Variants in INTU observed in about 807,000 individuals in gnomAD.
The protein encoded by INTU is inturned planar cell polarity protein, also known as protein inturned.
A neutral mutation model predicts 100.5 loss-of-function variants in INTU; 68 were observed. The ratio of observed to expected loss-of-function variants is 0.68; its 90% confidence interval spans 0.56 to 0.83. The LOEUF (loss-of-function observed/expected upper bound fraction) is 0.83. INTU is among the 40% of genes least tolerant of loss of function. The pLI, the probability that INTU is intolerant of heterozygous loss-of-function variation, is 0.00. For missense variants in INTU, 1,071 were observed against 1,114.7 expected, an observed-to-expected ratio of 0.96 and a Z score of 0.56; for synonymous variants, 357 against 395.7, an observed-to-expected ratio of 0.90 and a Z score of 1.16.
At chr4:127,643,431 C>T (rs905048504) in intron 1 of INTU, 90 bp from the exon 2 acceptor site, 7 of 979,972 alleles carry the variant, frequency 7.1e-6, no homozygotes, top group East Asian at 2.5e-5. Context: ...TCCTGCTCCC[C>T]AGCCCCAACC....
rs1728865541 is a variant in INTU at position 127,670,313 on chromosome 4, A to G, written c.1091+1159A>G. The stretch of plus-strand genomic sequence containing the variant: ...TCTAGGCTTTAACTTTTTTTCCCCC[A>G]TATTCAGGTAGAAATGACATTTCTA... On this transcript the variant is annotated intron_variant, in intron 5 of 15. Coordinates refer to ENST00000335251, the MANE Select transcript of INTU (RefSeq NM_015693.4). Among the ~76,000 whole-genome samples, 3 of 151,728 alleles carry G rather than the reference A, an allele frequency of 2.0e-5. No homozygotes were observed. In the South Asian group the frequency reaches 6.2e-4, roughly 31 times the overall value.
At chr4:127,657,135 A>T (rs922941672) in intron 3 of INTU, among the ~76,000 whole-genome samples, 1 of 152,148 alleles carries the variant, frequency 6.6e-6, no homozygotes, top group African/African-American at 2.4e-5. Flanking sequence ...TTTTAAAAAC[A>T]AATCATACAA....
Position 127,704,436 on chromosome 4 carries a change from C to T in INTU, c.1566+146C>T, listed in dbSNP as rs1291864285. 1.1e-5 allele frequency: 7 copies of T among 649,020 alleles called. No homozygotes were observed. The Admixed American group carries it at 2.0e-4, about 18-fold the overall frequency. The allele number at this position is 649,020 out of a possible 1,614,324, so 40.2% of individuals were successfully genotyped here. ...ATTAAGAGCTTTCTCATTTTAGAGACAGGGTCTTGCTCTGCCACCTAGGCT... is the reference window on the plus strand; with the variant it reads ...ATTAAGAGCTTTCTCATTTTAGAGATAGGGTCTTGCTCTGCCACCTAGGCT... On this transcript the variant is annotated intron_variant, in intron 10 of 15. Coordinates refer to ENST00000335251, the MANE Select transcript of INTU (RefSeq NM_015693.4).
intron 12 of INTU, 108 bp downstream of exon 12, chr4:127,707,077 A>G (rs1730914300): frequency 1.6e-6 from 2 of 1,267,786 alleles, no homozygotes; most frequent in African/African-American, 1.5e-5. Flanking sequence ...TTCATTTGAC[A>G]TGGTGGTTAT....
rs60257798 is a variant in INTU, at chr4:127,656,488, T to C, written c.683-148T>C. The C allele has an allele frequency of 3.3e-3, 1,939 of 579,940 alleles. 27 individuals are homozygous for C. The highest frequency in any genetic ancestry group is 0.032 in the African/African-American group (1,721 of 54,608). 35.9% of individuals were successfully genotyped at this position (579,940 alleles called of 1,614,324 possible). A position where few individuals can be genotyped will look rare whatever the true frequency, so the allele number is the denominator to read the frequency against. ...GAGTAGCCCTGCCACCAATGAGCTG[T>C]ATAAACCTGGACAAGTTCCTGCTTG... On this transcript the variant is annotated intron_variant, in intron 2 of 15. Transcript: ENST00000335251.
chr4:127,702,481 T>C (rs1306272505), intron 9 of INTU, among the ~76,000 whole-genome samples: 1 of 152,122 alleles, frequency 6.6e-6, no homozygotes, highest in Non-Finnish European at 1.5e-5. Flanking sequence ...CAAAACAAAT[T>C]CTGGTATATC....
chr4:127,685,280 T>C (rs1729764426), intron 7 of INTU, among the ~76,000 whole-genome samples: 1 of 152,082 alleles, frequency 6.6e-6, no homozygotes, highest in Non-Finnish European at 1.5e-5. Flanking sequence ...TTAGTGACTT[T>C]TGTTCTTGTA....
At chr4:127,652,766 C>T (rs1727956443) in intron 2 of INTU, among the ~76,000 whole-genome samples, 3 of 134,734 alleles carry the variant, frequency 2.2e-5, no homozygotes, top group African/African-American at 2.9e-5. Flanking sequence ...CCCTCTTTTT[C>T]TATTGATTGG....
Position 127,656,666 on chromosome 4 carries a change from A to G in INTU, c.713A>G (p.Asp238Gly). Reference protein sequence around the residue: ...GDVLVAVNDVDVTTENIERVL... With the variant: ...GDVLVAVNDVGVTTENIERVL... ...GTCCTTGTTGCTGTGAATGATGTCG[A>G]TGTTACTACTGAAAACATCGAGAGA... Residue 238 changes from aspartate to glycine, a missense_variant, in exon 3 of 16, where the codon GAT (aspartate) becomes GGT (glycine). Physicochemically the swap from Asp to Gly is moderately conservative, Grantham distance 94. Coordinates refer to ENST00000335251, the MANE Select transcript of INTU (RefSeq NM_015693.4). 1 of 1,610,714 alleles carries G rather than the reference A, an allele frequency of 6.2e-7. No homozygotes were observed. The highest frequency in any genetic ancestry group is 8.5e-7 in the Non-Finnish European group (1 of 1,177,536).
At position 127,706,772 on chromosome 4, in the gene INTU, T is replaced by G. The variant is rs34311863; in HGVS notation, c.2074T>G (p.Cys692Gly). Residue 692 changes from cysteine (C) to glycine (G), a missense_variant, in exon 12 of 16, where the codon TGC becomes GGC. By Grantham distance (159) the Cys-to-Gly change is radical (BLOSUM62 -3). Coordinates refer to ENST00000335251, the MANE Select transcript of INTU (RefSeq NM_015693.4). ...TTCCAAAGTAGCAACTTCTCCAACA[T>G]GCAGAAGAACGCTTTTTGGTGACTA... ...GTSKVATSPTCRRTLFGDYSL... is the reference protein window; with the variant it reads ...GTSKVATSPTGRRTLFGDYSL... 3,869 of 1,614,106 alleles carry G rather than the reference T, an allele frequency of 2.4e-3. 33 individuals are homozygous for G. The highest frequency in any genetic ancestry group is 0.023 in the African/African-American group (1,722 of 75,056).
chr4:127,699,325 T>C (rs1274718999), intron 8 of INTU: 3 of 152,222 alleles, frequency 2.0e-5, no homozygotes, highest in Non-Finnish European at 4.4e-5. Flanking sequence ...ACAAAGGTGA[T>C]ACATGAAAGA....
At chr4:127,633,439 CTT>C (rs1396452098) in intron 1 of INTU, among the ~76,000 whole-genome samples, 1 of 152,104 alleles carries the variant, frequency 6.6e-6, no homozygotes, top group Non-Finnish European at 1.5e-5. Flanking sequence ...AGAATCTCCT[CTT>C]TTTGGTCATG....
At chr4:127,673,683 G>A (rs1245182531) in intron 5 of INTU, among the ~76,000 whole-genome samples, 7 of 151,008 alleles carry the variant, frequency 4.6e-5, no homozygotes, top group East Asian at 2.0e-4. Flanking sequence ...TGCAACCTCC[G>A]CCTCCTGGGT....
Position 127,643,543 on chromosome 4 carries a change from G to C in INTU, c.169G>C (p.Asp57His). 6.2e-7 allele frequency: 1 copy of C among 1,603,080 alleles called. No individual in the cohort carries two copies. Among genetic ancestry groups the C allele is most frequent in the Non-Finnish European group, 8.5e-7 (1 of 1,177,002 alleles). Residue 57 changes from aspartate (D) to histidine (H), a missense_variant, in exon 2 of 16, where the codon GAC becomes CAC. By Grantham distance (81) the Asp-to-His change is moderately conservative. Transcript: ENST00000335251. ...DYDDLEPEWL[D>H]SVQKNGELFY... ...TAGTGATCTTGAGCCTGAATGGCTG[G>C]ACAGTGTGCAGAAAAATGGAGAGCT...
Position 127,711,009 on chromosome 4 carries a change from G to C in INTU, c.2466G>C (p.Gln822His). 2.5e-6 allele frequency: 4 copies of C among 1,609,402 alleles called. No individual in the cohort carries two copies. Among genetic ancestry groups the C allele is most frequent in the Non-Finnish European group, 3.4e-6 (4 of 1,176,876 alleles). Residue 822 changes from glutamine (Q) to histidine (H), a missense_variant, in exon 14 of 16, where the codon CAG (glutamine) becomes CAC (histidine). Coordinates refer to ENST00000335251, the MANE Select transcript of INTU (RefSeq NM_015693.4). The stretch of plus-strand genomic sequence containing the variant: ...CTCCTACCCTTGAAGAGGTGGCACA[G>C]CTAAGTGGCTCTATCCACCCTCAGC... ...FITPTLEEVA[Q>H]LSGSIHPQLI...
chr4:127,709,340 CA>C (rs775125976), intron 13 of INTU, among the ~76,000 whole-genome samples: 4 of 151,276 alleles, frequency 2.6e-5, no homozygotes, highest in Admixed American at 6.7e-5. Context: ...TACACCCCTA[CA>C]GCTGTTTTTC....
chr4:127,645,435 C>A (rs1463409295), intron 2 of INTU, among the ~76,000 whole-genome samples: 1 of 152,154 alleles, frequency 6.6e-6, no homozygotes, highest in Admixed American at 6.5e-5. Flanking sequence ...CCAGCCCCAA[C>A]CACCATCTGC....
At chr4:127,654,525 T>C (rs973864643) in intron 2 of INTU, among the ~76,000 whole-genome samples, 26 of 152,166 alleles carry the variant, frequency 1.7e-4, no homozygotes, top group Non-Finnish European at 2.1e-4. Context: ...GAAAATTCTT[T>C]TCTTTAAGAA....
chr4:127,676,870 C>T (rs1400500697), intron 6 of INTU, among the ~76,000 whole-genome samples: 1 of 152,130 alleles, frequency 6.6e-6, no homozygotes, highest in Admixed American at 6.5e-5. Flanking sequence ...ACAGACAGCA[C>T]CTGGAAAATC....
Sources: gnomAD v4.1 joint callset for allele counts (sites outside exome capture counted in the v4.1 genomes callset) on GRCh38, gnomAD v4.1.1 for gene constraint, MANE v1.5 for transcripts, NCBI Gene and HGNC (gene_info 2026-07-23, HGNC 2026-07-21) for gene names.